The following TRIM44 variants were observed in gnomAD, a reference collection of about 807,000 sequenced individuals.
TRIM44 encodes tripartite motif containing 44.
In TRIM44, 13 loss-of-function variants were observed where a neutral mutation model predicts 37.4. The observed-to-expected ratio is 0.35, with a 90% CI of 0.23 to 0.55. The LOEUF is 0.55. Among genes scored for constraint, TRIM44 ranks in the 20% least tolerant of loss-of-function variants. TRIM44 has a pLI of 0.89. For missense variants in TRIM44, 426 were observed against 437.2 expected, an observed-to-expected ratio of 0.97 and a Z score of 0.23; for synonymous variants, 175 against 157.2, an observed-to-expected ratio of 1.11 and a Z score of -0.85.
chr11:35,775,635 A>T (rs9736976), intron 4 of TRIM44, among the ~76,000 whole-genome samples: 2 of 152,166 alleles, frequency 1.3e-5, no homozygotes, highest in African/African-American at 2.4e-5. Context: ...CCATTTTGAG[A>T]TACATCCCAT....
At chr11:35,733,279 A>G (rs912778984) in intron 3 of TRIM44, among the ~76,000 whole-genome samples, 3 of 152,176 alleles carry the variant, frequency 2.0e-5, no homozygotes, top group African/African-American at 4.8e-5. Flanking sequence ...TCTCTTAATC[A>G]TTACACCAAG....
chr11:35,803,576 C>T (rs1853398752), intron 4 of TRIM44, among the ~76,000 whole-genome samples: 1 of 152,072 alleles, frequency 6.6e-6, no homozygotes, highest in Non-Finnish European at 1.5e-5. Context: ...CAAAAATTAG[C>T]TGGGCATGGT....
chr11:35,727,952 A>G (rs1443191772), intron 3 of TRIM44, among the ~76,000 whole-genome samples: 1 of 152,248 alleles, frequency 6.6e-6, no homozygotes, highest in Non-Finnish European at 1.5e-5. Context: ...GATCGACAGC[A>G]TAATTCTGTC....
chr11:35,786,137 A>G (rs1461355392), intron 4 of TRIM44, among the ~76,000 whole-genome samples: 9 of 152,252 alleles, frequency 5.9e-5, no homozygotes, highest in Admixed American at 4.6e-4. Flanking sequence ...AGTTACAACT[A>G]TTATTTATAA....
At chr11:35,688,785 G>A (rs922466298) in intron 2 of TRIM44, among the ~76,000 whole-genome samples, 1 of 152,094 alleles carries the variant, frequency 6.6e-6, no homozygotes, top group African/African-American at 2.4e-5. Context: ...TTATTCAATT[G>A]GCCTGGGGTG....
chr11:35,666,465 T>C (rs1355512482), intron 1 of TRIM44, among the ~76,000 whole-genome samples: 3 of 152,244 alleles, frequency 2.0e-5, no homozygotes, highest in Non-Finnish European at 2.9e-5. Context: ...AGAATTAATA[T>C]CATTACAACA....
intron 4 of TRIM44, among the ~76,000 whole-genome samples, chr11:35,778,535 G>A (rs1280759448): frequency 2.6e-5 from 4 of 152,120 alleles, no homozygotes; most frequent in Admixed American, 6.5e-5. Context: ...AGGAGAAGAG[G>A]TGCTCTAATT....
intron 2 of TRIM44, among the ~76,000 whole-genome samples, chr11:35,686,361 TG>T (rs1851580110): frequency 8.6e-5 from 13 of 150,384 alleles, no homozygotes; most frequent in African/African-American, 2.7e-4. Context: ...AGGTTCTTTT[TG>T]TTTTTGTTTT....
chr11:35,679,733 A>G (rs1312626583), intron 1 of TRIM44, among the ~76,000 whole-genome samples: 2 of 152,208 alleles, frequency 1.3e-5, no homozygotes, highest in African/African-American at 4.8e-5. Flanking sequence ...AAATGCTAGC[A>G]ACTAACTTAA....
intron 2 of TRIM44, among the ~76,000 whole-genome samples, chr11:35,708,929 A>G (rs1382779229): frequency 6.6e-6 from 1 of 151,864 alleles, no homozygotes; most frequent in Admixed American, 6.6e-5. Context: ...AAAAATAAAT[A>G]AAAAATGAAA....
chr11:35,744,236 A>G (rs1278481987), intron 4 of TRIM44, among the ~76,000 whole-genome samples: 1 of 152,238 alleles, frequency 6.6e-6, no homozygotes, highest in Non-Finnish European at 1.5e-5. Flanking sequence ...GAATTTATAT[A>G]AACAACAAAA....
chr11:35,702,422 G>T (rs1030432959), intron 2 of TRIM44, among the ~76,000 whole-genome samples: 3 of 152,226 alleles, frequency 2.0e-5, no homozygotes, highest in Non-Finnish European at 4.4e-5. Flanking sequence ...GAAAAGGGCT[G>T]CCCTCCTGTT....
chr11:35,739,314 A>C (rs115457480), intron 4 of TRIM44, among the ~76,000 whole-genome samples: 164 of 152,342 alleles, frequency 1.1e-3, no homozygotes, highest in African/African-American at 3.5e-3. Flanking sequence ...GCCTTAGATC[A>C]CATGGCTAGT....
intron 4 of TRIM44, among the ~76,000 whole-genome samples, chr11:35,789,699 C>G (rs1853178180): frequency 6.6e-6 from 1 of 152,162 alleles, no homozygotes; most frequent in South Asian, 2.1e-4. Flanking sequence ...GTTAAGCCGT[C>G]TTAGAGGGCG....
intron 1 of TRIM44, among the ~76,000 whole-genome samples, chr11:35,674,235 CGTGTGT>C (rs113167193): frequency 1.0e-3 from 156 of 149,992 alleles, no homozygotes; most frequent in Non-Finnish European, 1.9e-3. Context: ...AGAGAATTTG[CGTGTGT>C]GTGTGTGTGT....
At chr11:35,694,225 A>C (rs746964131) in intron 2 of TRIM44, among the ~76,000 whole-genome samples, 5 of 152,196 alleles carry the variant, frequency 3.3e-5, no homozygotes, top group Non-Finnish European at 7.3e-5. Context: ...TCCGCTATAG[A>C]GCCGATTACG....
At chr11:35,781,362 T>A (rs1291053534) in intron 4 of TRIM44, among the ~76,000 whole-genome samples, 1 of 152,208 alleles carries the variant, frequency 6.6e-6, no homozygotes, top group African/African-American at 2.4e-5. Context: ...GGGCTAGTAA[T>A]CTTACTTCAA....
chr11:35,717,829 A>ATTT (rs112299891), intron 2 of TRIM44, among the ~76,000 whole-genome samples: 7 of 146,264 alleles, frequency 4.8e-5, no homozygotes, highest in African/African-American at 1.7e-4. Context: ...TCAGAGCCTC[A>ATTT]TTTTTTTTTT....
intron 4 of TRIM44, among the ~76,000 whole-genome samples, chr11:35,736,157 C>G (rs957832572): frequency 6.6e-6 from 1 of 152,180 alleles, no homozygotes; most frequent in African/African-American, 2.4e-5. Flanking sequence ...TGGGTCCCAT[C>G]TGTCACATAG....
Sources: gnomAD v4.1 joint callset for allele counts (sites outside exome capture counted in the v4.1 genomes callset) on GRCh38, gnomAD v4.1.1 for gene constraint, MANE v1.5 for transcripts, NCBI Gene and HGNC (gene_info 2026-07-23, HGNC 2026-07-21) for gene names.